Variants in CDH2 observed in about 807,000 individuals in gnomAD.
CDH2 encodes the protein cadherin-2.
CDH2 carries 17 observed loss-of-function variants against 92.0 expected under a neutral mutation model. That is an observed-to-expected ratio of 0.18 (90% CI 0.13 to 0.28). CDH2 has a LOEUF of 0.28. Ranked by LOEUF, CDH2 falls within the 10% of genes least tolerant of loss-of-function variation. CDH2 has a pLI of 1.00. For missense variants in CDH2, 862 were observed against 1,133.1 expected, an observed-to-expected ratio of 0.76 and a Z score of 3.44; for synonymous variants, 419 against 415.9, an observed-to-expected ratio of 1.01 and a Z score of -0.09.
chr18:28,076,805 C>T (rs944312208), intron 2 of CDH2, among the ~76,000 whole-genome samples: 6 of 150,250 alleles, frequency 4.0e-5, no homozygotes, highest in Non-Finnish European at 8.9e-5. Flanking sequence ...GCTTGAGAAA[C>T]ATTGTTTTCA....
intron 15 of CDH2, among the ~76,000 whole-genome samples, chr18:27,956,117 G>T (rs1456176496): frequency 2.6e-5 from 4 of 152,162 alleles, no homozygotes; most frequent in African/African-American, 9.7e-5. Context: ...AAGAAATCCA[G>T]TGGGCAACAG....
chr18:27,933,086 C>T (rs1908939632), exon 7 of CDH2, among the ~76,000 whole-genome samples: 1 of 151,964 alleles, frequency 6.6e-6, no homozygotes, highest in Non-Finnish European at 1.5e-5. Flanking sequence ...GCCCACGAAG[C>T]CAAGGTCATA....
chr18:28,063,626 T>G (rs1567984118), intron 2 of CDH2, among the ~76,000 whole-genome samples: 2 of 152,258 alleles, frequency 1.3e-5, no homozygotes, highest in South Asian at 4.1e-4. Context: ...CAAAACTAAA[T>G]GTCAGCAGGA....
rs1242890737 is a variant in CDH2 at position 28,177,026 on chromosome 18, G to A, written c.-4C>T. On this transcript the variant is annotated 5_prime_UTR_variant, in exon 1 of 16. Transcript: ENST00000269141. ...GCGCTCCCGCTATCCGGCACATGGAGGCGGAGAGGGGCCGAGCGAAGAGCC... is the reference window on the plus strand; with the variant it reads ...GCGCTCCCGCTATCCGGCACATGGAAGCGGAGAGGGGCCGAGCGAAGAGCC... The A allele has an allele frequency of 2.7e-6, 4 of 1,487,536 alleles. No individual in the cohort carries two copies. The East Asian group carries it at 8.3e-5, about 31-fold the overall frequency. 92.1% of individuals were successfully genotyped at this position (1,487,536 alleles called of 1,614,324 possible).
rs1187782284 is a variant in CDH2 at position 28,125,593 on chromosome 18, T to C, written c.172+22080A>G. Among the ~76,000 whole-genome samples, 9 of 152,106 alleles carry C rather than the reference T, an allele frequency of 5.9e-5. No individual in the cohort carries two copies. The East Asian group carries it at 1.7e-3, about 29-fold the overall frequency. On this transcript the variant is annotated intron_variant, in intron 2 of 15. Coordinates refer to ENST00000269141, the MANE Select transcript of CDH2 (RefSeq NM_001792.5). ...ATGTAAACATTAAGCGTAAATTCAC[T>C]TGATTTAAGAAAATGCTTCATTTTG...
intron 13 of CDH2, among the ~76,000 whole-genome samples, chr18:27,984,451 G>A (rs1321623444): frequency 6.6e-6 from 1 of 152,160 alleles, no homozygotes; most frequent in Non-Finnish European, 1.5e-5. Flanking sequence ...TCTAAAGACA[G>A]ACAATCTACT....
At chr18:28,009,484 T>G (rs1264009986) in intron 5 of CDH2, among the ~76,000 whole-genome samples, 3 of 152,188 alleles carry the variant, frequency 2.0e-5, no homozygotes, top group Admixed American at 1.3e-4. Context: ...TAATGAGATT[T>G]TAGGCAATTT....
intron 11 of CDH2, 58 bp downstream of exon 11, chr18:27,988,466 A>G: frequency 2.1e-6 from 3 of 1,455,188 alleles, no homozygotes; most frequent in Non-Finnish European, 1.9e-6. Context: ...ATTCCTGAGC[A>G]TGCATGATGA....
At chr18:28,051,476 G>A (rs1366379061) in intron 2 of CDH2, among the ~76,000 whole-genome samples, 1 of 152,174 alleles carries the variant, frequency 6.6e-6, no homozygotes, top group African/African-American at 2.4e-5. Flanking sequence ...GAAATGCAGT[G>A]TATAAGGTAA....
chr18:28,051,612 C>A (rs2014192465), intron 2 of CDH2, among the ~76,000 whole-genome samples: 2 of 152,192 alleles, frequency 1.3e-5, no homozygotes, highest in South Asian at 2.1e-4. Flanking sequence ...GATAATAGAA[C>A]CTTTTCTGTA....
At chr18:28,130,491 T>C (rs773224768) in intron 2 of CDH2, among the ~76,000 whole-genome samples, 32 of 152,250 alleles carry the variant, frequency 2.1e-4, no homozygotes, top group Non-Finnish European at 2.8e-4. Flanking sequence ...CATAACATTC[T>C]GACAACTACT....
intron 2 of CDH2, among the ~76,000 whole-genome samples, chr18:28,091,591 T>G (rs2015038442): frequency 6.6e-6 from 1 of 152,246 alleles, no homozygotes; most frequent in Non-Finnish European, 1.5e-5. Flanking sequence ...AGTATACGTT[T>G]CCTGAAGCTT....
At chr18:28,111,756 A>G (rs1468954432) in intron 2 of CDH2, among the ~76,000 whole-genome samples, 1 of 152,194 alleles carries the variant, frequency 6.6e-6, no homozygotes, top group East Asian at 1.9e-4. Context: ...CAGTATACTA[A>G]TATGCAACAG....
intron 2 of CDH2, among the ~76,000 whole-genome samples, chr18:28,022,996 A>G (rs2144061786): frequency 6.6e-6 from 1 of 152,254 alleles, no homozygotes; most frequent in Non-Finnish European, 1.5e-5. Context: ...AGAGAGTAAT[A>G]TTTAAACACA....
chr18:28,157,485 TAAAG>T (rs1204439581), intron 1 of CDH2, among the ~76,000 whole-genome samples: 1 of 152,176 alleles, frequency 6.6e-6, no homozygotes, highest in Non-Finnish European at 1.5e-5. Context: ...GAAACTAACT[TAAAG>T]AAAACTGCCC....
At chr18:27,955,761 G>GTTTTTTTTTTTGTTT (rs1429734868) in intron 15 of CDH2, among the ~76,000 whole-genome samples, 1 of 111,714 alleles carries the variant, frequency 9.0e-6, no homozygotes, top group African/African-American at 3.6e-5. Context: ...CTTTATTTCT[G>GTTTTTTTTTTTGTTT]TTTTTTTTTT....
At chr18:27,969,496 T>C (rs2011606251) in intron 14 of CDH2, among the ~76,000 whole-genome samples, 1 of 152,230 alleles carries the variant, frequency 6.6e-6, no homozygotes, top group Admixed American at 6.5e-5. Context: ...TTTTAGAAAC[T>C]GTGACTGTTG....
At chr18:28,057,853 T>C (rs994428617) in intron 2 of CDH2, among the ~76,000 whole-genome samples, 8 of 152,160 alleles carry the variant, frequency 5.3e-5, no homozygotes, top group African/African-American at 1.7e-4. Flanking sequence ...TGCCTGGTCT[T>C]GAGTTCTTAA....
chr18:27,982,997 C>T lies in CDH2; in HGVS notation c.2296G>A (p.Val766Ile). ...TCATATTTTAAAATATTATCTCTTACATCATCTTCTGGATCAATTAAAAGT... is the reference window on the plus strand; with the variant it reads ...TCATATTTTAAAATATTATCTCTTATATCATCTTCTGGATCAATTAAAAGT... ...KQLLIDPEDD[V>I]RDNILKYDEE... Residue 766 changes from valine to isoleucine, a missense_variant, in exon 14 of 16, where the codon GTA (valine) becomes ATA (isoleucine). Val to Ile is a conservative substitution (Grantham distance 29). Transcript: ENST00000269141. 1 of 1,608,974 alleles carries T rather than the reference C, an allele frequency of 6.2e-7. No homozygotes were observed. The highest frequency in any genetic ancestry group is 8.5e-7 in the Non-Finnish European group (1 of 1,175,774).
Sources: gnomAD v4.1 joint callset for allele counts (sites outside exome capture counted in the v4.1 genomes callset) on GRCh38, gnomAD v4.1.1 for gene constraint, MANE v1.5 for transcripts, NCBI Gene and HGNC (gene_info 2026-07-23, HGNC 2026-07-21) for gene names.